The following NPRL2 variants were observed in gnomAD, a reference collection of about 807,000 sequenced individuals.
The protein encoded by NPRL2 is GATOR1 complex protein NPRL2.
A neutral mutation model predicts 51.1 loss-of-function variants in NPRL2; 21 were observed. That is an observed-to-expected ratio of 0.41 (90% CI 0.29 to 0.59). NPRL2 has a LOEUF of 0.59. NPRL2 is among the 20% of genes least tolerant of loss of function. The pLI is 0.29. For missense variants in NPRL2, 376 were observed against 483.4 expected, an observed-to-expected ratio of 0.78 and a Z score of 2.08; for synonymous variants, 175 against 187.8, an observed-to-expected ratio of 0.93 and a Z score of 0.56.
At chr3:50,347,931 G>A (rs766520857) in intron 9 of NPRL2, 30 bp from the exon 10 acceptor site, 62 of 1,612,208 alleles carry the variant, frequency 3.8e-5, no homozygotes, top group South Asian at 1.5e-4. Context: ...ACGGGGTGAC[G>A]CCCTGGCCAG....
Position 50,349,413 on chromosome 3 carries a change from C to A in NPRL2, c.421G>T (p.Ala141Ser). 6.2e-7 allele frequency: 1 copy of A among 1,613,706 alleles called. No homozygotes were observed. The highest frequency in any genetic ancestry group is 8.5e-7 in the Non-Finnish European group (1 of 1,179,996). The change falls in exon 4 of 11, where the codon GCC becomes TCC. Residue 141 changes from alanine (A) to serine (S), a missense_variant. Ala to Ser is a moderately conservative substitution (Grantham distance 99). Transcript: ENST00000232501. This position sits in a 1 kb window ranked among gnomAD's most constrained non-coding sequence, Gnocchi z 4.6. ...ATGGGCAGAGTGCACCGGCCTGAGG[C>A]ATTTAGCTCCTCCAGCAAGATGGTC... ...IMTILLEELN[A>S]SGRCTLPIDE...
chr3:50,350,521 T>C lies in NPRL2; in HGVS notation c.78+54A>G. ...AAACTACTGCCTTCAGGCAGCCAGT[T>C]GAGCTCTCGAGAACGTCCCTCTTCC... On this transcript the variant is annotated intron_variant, in intron 1 of 10. Coordinates refer to ENST00000232501, the MANE Select transcript of NPRL2 (RefSeq NM_006545.5). The surrounding 1 kb of genome is among the most constrained non-coding windows in gnomAD (Gnocchi z 5.7). The C allele has an allele frequency of 6.5e-7, 1 of 1,538,872 alleles. No homozygotes were observed. The highest frequency in any genetic ancestry group is 1.2e-5 in the South Asian group (1 of 84,682).
chr3:50,347,672 G>GC lies in NPRL2; in HGVS notation c.1076dup (p.Met360HisfsTer5), dbSNP rs763785689. ...GCTCATCCAGCTCATGGTAGCTCAT[G>GC]CCTGGGTGGGGTGGTGGAGGAGAGG... On this transcript the variant is annotated frameshift_variant and splice_region_variant, in exon 11 of 11. Transcript: ENST00000232501. LOFTEE classifies it high-confidence loss of function. The GC allele has an allele frequency of 6.2e-7, 1 of 1,614,096 alleles. No homozygotes were observed. The highest frequency in any genetic ancestry group is 8.5e-7 in the Non-Finnish European group (1 of 1,180,034).
rs1319594642 is a variant in NPRL2 at position 50,348,440 on chromosome 3, G to A, written c.721-30C>T. 2 of 1,613,178 alleles carry A rather than the reference G, an allele frequency of 1.2e-6. No homozygotes were observed. The highest frequency in any genetic ancestry group is 2.2e-5 in the East Asian group (1 of 44,882). ...AGGGTAGCAGAAGGCATAGGGGCCT[G>A]AGTGAGGGGCTTGGGAAGCTGACAC... On this transcript the variant is annotated intron_variant, in intron 7 of 10. Transcript: ENST00000232501. The surrounding 1 kb of genome is among the most constrained non-coding windows in gnomAD (Gnocchi z 5.8).
rs1428535202 is a variant in NPRL2, at chr3:50,348,647, G to A, written c.683+38C>T. On this transcript the variant is annotated intron_variant, in intron 6 of 10. Coordinates refer to ENST00000232501, the MANE Select transcript of NPRL2 (RefSeq NM_006545.5). The surrounding 1 kb of genome is among the most constrained non-coding windows in gnomAD (Gnocchi z 5.8). ...AGGGCCCCTGAGGTCTTCCCTGGCT[G>A]GTGACCTTGTCCCAGGTATGACTGT... The A allele has an allele frequency of 1.2e-6, 2 of 1,613,920 alleles. No individual in the cohort carries two copies. The highest frequency in any genetic ancestry group is 1.1e-5 in the South Asian group (1 of 91,070).
rs1289938037 is a variant in NPRL2 at position 50,349,010 on chromosome 3, T to C, written c.449A>G (p.Asp150Gly). 1 of 1,613,216 alleles carries C rather than the reference T, an allele frequency of 6.2e-7. No homozygotes were observed. Among genetic ancestry groups the C allele is most frequent in the East Asian group, 2.2e-5 (1 of 44,874 alleles). Reference sequence around the variant, plus strand: ...CTTCAAGTGGATGGTGTTGGACTCATCTGCAGGGGGCCCCATCCATATCCT... The same window carrying C: ...CTTCAAGTGGATGGTGTTGGACTCACCTGCAGGGGGCCCCATCCATATCCT... ...NASGRCTLPI[D>G]ESNTIHLKVI... The change falls in exon 5 of 11, where the codon GAT becomes GGT. Residue 150 changes from aspartate to glycine, a missense_variant and splice_region_variant. Transcript: ENST00000232501. This position sits in a 1 kb window ranked among gnomAD's most constrained non-coding sequence, Gnocchi z 4.6.
Position 50,347,853 on chromosome 3 carries a change from C to T in NPRL2, c.981G>A (p.Gln327=), listed in dbSNP as rs1228195148. Residue 327 remains glutamine, a synonymous_variant, in exon 10 of 11, where the codon CAG becomes CAA. Transcript: ENST00000232501. ...CCCGAGTCACCCGCACAGGATACTT[C>T]TGTAGTCGCCTGATGAGGTTCTTCA... The part of the protein sequence containing the change: ...GLMKNLIRRL[Q]KYPVRVTREE... The T allele has an allele frequency of 6.2e-7, 1 of 1,614,108 alleles. No individual in the cohort carries two copies.
chr3:50,350,490 C>G lies in NPRL2; in HGVS notation c.78+85G>C, dbSNP rs1250565837. Reference sequence around the variant, plus strand: ...AATGAAGCAGCATGCCTGCGTGCAGCACGGGAAACTACTGCCTTCAGGCAG... The same window carrying G: ...AATGAAGCAGCATGCCTGCGTGCAGGACGGGAAACTACTGCCTTCAGGCAG... On this transcript the variant is annotated intron_variant, in intron 1 of 10. Coordinates refer to ENST00000232501, the MANE Select transcript of NPRL2 (RefSeq NM_006545.5). The surrounding 1 kb of genome is among the most constrained non-coding windows in gnomAD (Gnocchi z 5.7). The G allele has an allele frequency of 7.3e-7, 1 of 1,362,398 alleles. No homozygotes were observed. The highest frequency in any genetic ancestry group is 1.0e-6 in the Non-Finnish European group (1 of 984,402). The allele number at this position is 1,362,398 out of a possible 1,614,324, so 84.4% of individuals were successfully genotyped here.
In NPRL2 at chr3:50,350,748, T is replaced by C. The variant is rs1703730976; in HGVS notation, c.-96A>G. On this transcript the variant is annotated 5_prime_UTR_variant, in exon 1 of 11. Coordinates refer to ENST00000232501, the MANE Select transcript of NPRL2 (RefSeq NM_006545.5). This position sits in a 1 kb window ranked among gnomAD's most constrained non-coding sequence, Gnocchi z 5.7. ...TTGTCAGAGACAGCCTCGAGGCCTG[T>C]GTCGCTGGGGCACGCAAGCTTGCCA... is the stretch of plus-strand genomic sequence containing the variant. 6.7e-7 allele frequency: 1 copy of C among 1,503,466 alleles called. No homozygotes were observed. Among genetic ancestry groups the C allele is most frequent in the African/African-American group, 1.4e-5 (1 of 72,194 alleles). 93.1% of individuals were successfully genotyped at this position (1,503,466 alleles called of 1,614,324 possible). A position where few individuals can be genotyped will look rare whatever the true frequency, so the allele number is the denominator to read the frequency against.
chr3:50,347,443 C>T lies in NPRL2; in HGVS notation c.*163G>A. The T allele has an allele frequency of 1.5e-6, 1 of 684,828 alleles. No homozygotes were observed. 42.4% of individuals were successfully genotyped at this position (684,828 alleles called of 1,614,324 possible). On this transcript the variant is annotated 3_prime_UTR_variant, in exon 11 of 11. Transcript: ENST00000232501. The stretch of plus-strand genomic sequence containing the variant: ...CCACGGCTCGTGGCTATTTCATTCA[C>T]TGCTGGGTCTCCCACGGCTGGCCCA...
Position 50,349,182 on chromosome 3 carries a change from G to C in NPRL2, c.449-172C>G. 1 of 911,362 alleles carries C rather than the reference G, an allele frequency of 1.1e-6. No homozygotes were observed. Among genetic ancestry groups the C allele is most frequent in the East Asian group, 2.6e-5 (1 of 38,062 alleles). 56.5% of individuals were successfully genotyped at this position (911,362 alleles called of 1,614,324 possible). A position where few individuals can be genotyped will look rare whatever the true frequency, so the allele number is the denominator to read the frequency against. ...CCACAAAGGGGAAGGAATTGCCCAA[G>C]GGGCAGAGCTGGAGAGCTCTGCTTT... On this transcript the variant is annotated intron_variant, in intron 4 of 10. Coordinates refer to ENST00000232501, the MANE Select transcript of NPRL2 (RefSeq NM_006545.5). This position sits in a 1 kb window ranked among gnomAD's most constrained non-coding sequence, Gnocchi z 4.6.
Position 50,349,419 on chromosome 3 carries a change from G to T in NPRL2, c.415C>A (p.Leu139Ile). 1 of 1,613,704 alleles carries T rather than the reference G, an allele frequency of 6.2e-7. No homozygotes were observed. The highest frequency in any genetic ancestry group is 1.1e-5 in the South Asian group (1 of 91,078). The change falls in exon 4 of 11, where the codon CTA becomes ATA. Residue 139 changes from leucine to isoleucine, a missense_variant. Transcript: ENST00000232501. The surrounding 1 kb of genome is among the most constrained non-coding windows in gnomAD (Gnocchi z 4.6). The stretch of plus-strand genomic sequence containing the variant: ...AGAGTGCACCGGCCTGAGGCATTTA[G>T]CTCCTCCAGCAAGATGGTCATGATG... The part of the protein sequence containing the change: ...VPIMTILLEE[L>I]NASGRCTLPI...
chr3:50,348,606 C>T lies in NPRL2; in HGVS notation c.684-43G>A, dbSNP rs1181630818. 2 of 1,614,114 alleles carry T rather than the reference C, an allele frequency of 1.2e-6. No homozygotes were observed. Among genetic ancestry groups the T allele is most frequent in the South Asian group, 2.2e-5 (2 of 91,084 alleles). ...GCTCAGCTTCTGAGGACCATGCCTT[C>T]CCAACCCTCACACCCAGGGCCCCTG... On this transcript the variant is annotated intron_variant, in intron 6 of 10. Coordinates refer to ENST00000232501, the MANE Select transcript of NPRL2 (RefSeq NM_006545.5). This position sits in a 1 kb window ranked among gnomAD's most constrained non-coding sequence, Gnocchi z 5.8.
chr3:50,349,686 A>G lies in NPRL2; in HGVS notation c.318T>C (p.Ala106=). The part of the protein sequence containing the change: ...CALEPIVKKL[A]GYLTTLELES... The stretch of plus-strand genomic sequence containing the variant: ...AGACCTCTAGTGTGGTCAGATAGCC[A>G]GCCAGCTTTTTAACAATGGGCTCGA... The change falls in exon 3 of 11, where the codon GCT becomes GCC. Residue 106 remains alanine (A), a synonymous_variant. Transcript: ENST00000232501. The surrounding 1 kb of genome is among the most constrained non-coding windows in gnomAD (Gnocchi z 4.6). The G allele has an allele frequency of 6.2e-7, 1 of 1,613,104 alleles. No individual in the cohort carries two copies. Among genetic ancestry groups the G allele is most frequent in the Non-Finnish European group, 8.5e-7 (1 of 1,179,384 alleles).
At position 50,349,892 on chromosome 3, in the gene NPRL2, C is replaced by A. The variant is rs771901505; in HGVS notation, c.170+39G>T. On this transcript the variant is annotated intron_variant, in intron 2 of 10. Coordinates refer to ENST00000232501, the MANE Select transcript of NPRL2 (RefSeq NM_006545.5). The surrounding 1 kb of genome is among the most constrained non-coding windows in gnomAD (Gnocchi z 4.6). ...CTGTCCCTTCCTCCTCCTGGGACAA[C>A]CCCTGCCACCCACCGCTCACCCCGA... is the stretch of plus-strand genomic sequence containing the variant. 7.4e-6 allele frequency: 12 copies of A among 1,613,444 alleles called. No homozygotes were observed. The Admixed American group carries it at 1.7e-4, about 22-fold the overall frequency.
rs1703712363 is a variant in NPRL2, at chr3:50,350,275, T to C, written c.79-253A>G. 3.3e-6 allele frequency: 2 copies of C among 597,300 alleles called. No homozygotes were observed. Among genetic ancestry groups the C allele is most frequent in the Middle Eastern group, 4.4e-4 (1 of 2,252 alleles). 37.0% of individuals were successfully genotyped at this position (597,300 alleles called of 1,614,324 possible). On this transcript the variant is annotated intron_variant, in intron 1 of 10. Coordinates refer to ENST00000232501, the MANE Select transcript of NPRL2 (RefSeq NM_006545.5). This position sits in a 1 kb window ranked among gnomAD's most constrained non-coding sequence, Gnocchi z 5.7. Reference sequence around the variant, plus strand: ...CCTTACCTAAACTTCCTATGCATCATTTACTCTTCACTCAGTTCAGGGATA... The same window carrying C: ...CCTTACCTAAACTTCCTATGCATCACTTACTCTTCACTCAGTTCAGGGATA...
Position 50,350,239 on chromosome 3 carries a change from A to G in NPRL2, c.79-217T>C. 1 of 597,300 alleles carries G rather than the reference A, an allele frequency of 1.7e-6. No individual in the cohort carries two copies. The highest frequency in any genetic ancestry group is 3.0e-6 in the Non-Finnish European group (1 of 336,532). 37.0% of individuals were successfully genotyped at this position (597,300 alleles called of 1,614,324 possible). On this transcript the variant is annotated intron_variant, in intron 1 of 10. Transcript: ENST00000232501. This position sits in a 1 kb window ranked among gnomAD's most constrained non-coding sequence, Gnocchi z 5.7. ...ATATGCTGTTCCCTCTACCTGGAAC[A>G]CTTTCTCCTGCCTTACCTAAACTTC...
chr3:50,347,592 A>G lies in NPRL2; in HGVS notation c.*14T>C. ...ACTACCCACAGCAATGTGTCCATCC[A>G]GTCACTACCAGCCTCACTTCCAGCA... is the stretch of plus-strand genomic sequence containing the variant. On this transcript the variant is annotated 3_prime_UTR_variant, in exon 11 of 11. Transcript: ENST00000232501. 1 of 1,614,048 alleles carries G rather than the reference A, an allele frequency of 6.2e-7. No individual in the cohort carries two copies. Among genetic ancestry groups the G allele is most frequent in the Non-Finnish European group, 8.5e-7 (1 of 1,180,004 alleles).
rs1703713271 is a variant in NPRL2, at chr3:50,350,306, G to A, written c.78+269C>T. 1.7e-6 allele frequency: 1 copy of A among 599,728 alleles called. No individual in the cohort carries two copies. Among genetic ancestry groups the A allele is most frequent in the South Asian group, 2.0e-5 (1 of 50,000 alleles). The allele number at this position is 599,728 out of a possible 1,614,324, so 37.2% of individuals were successfully genotyped here. A position where few individuals can be genotyped will look rare whatever the true frequency, so the allele number is the denominator to read the frequency against. On this transcript the variant is annotated intron_variant, in intron 1 of 10. Coordinates refer to ENST00000232501, the MANE Select transcript of NPRL2 (RefSeq NM_006545.5). This position sits in a 1 kb window ranked among gnomAD's most constrained non-coding sequence, Gnocchi z 5.7. ...CTTCACTCAGTTCAGGGATACTCAT[G>A]GGTCACCCAACTCACCTTCTGTGGG...
Sources: gnomAD v4.1 joint callset for allele counts on GRCh38, gnomAD v4.1.1 for gene constraint, Gnocchi (gnomAD v3.1) non-coding constraint, MANE v1.5 for transcripts, NCBI Gene and HGNC (gene_info 2026-07-23, HGNC 2026-07-21) for gene names.